Variants in LDB3 observed in about 807,000 individuals in gnomAD.
LDB3 encodes the protein LIM domain binding 3.
LDB3 carries 49 observed loss-of-function variants against 69.0 expected under a neutral mutation model. The observed-to-expected ratio is 0.71, with a 90% CI of 0.56 to 0.90. LDB3 has a LOEUF of 0.90. Ranked by LOEUF, LDB3 falls within the 40% of genes least tolerant of loss-of-function variation. The pLI is 0.00. For synonymous variants in LDB3, 387 were observed against 396.2 expected (o/e 0.98, Z 0.28); for missense variants, 928 against 974.1 (o/e 0.95, Z 0.63).
intron 13 of LDB3, among the ~76,000 whole-genome samples, chr10:86,727,530 CTG>C (rs1847297848): frequency 6.6e-6 from 1 of 152,218 alleles, no homozygotes; most frequent in South Asian, 2.1e-4. Flanking sequence ...GTGGGACACA[CTG>C]TATTCACTCT....
chr10:86,671,529 C>T (rs558403243), intron 2 of LDB3, among the ~76,000 whole-genome samples: 1 of 152,212 alleles, frequency 6.6e-6, no homozygotes, highest in South Asian at 2.1e-4. Context: ...CTTTATTTAT[C>T]CTGGACAGGT....
chr10:86,709,264 C>CT (rs543013927), intron 8 of LDB3, among the ~76,000 whole-genome samples: 113 of 152,244 alleles, frequency 7.4e-4, no homozygotes, highest in Non-Finnish European at 1.2e-3. Flanking sequence ...TTTAAAATCT[C>CT]TTTGACCCCA....
intron 7 of LDB3, among the ~76,000 whole-genome samples, chr10:86,694,793 T>C (rs1478621314): frequency 1.3e-5 from 2 of 152,182 alleles, no homozygotes; most frequent in South Asian, 4.1e-4. Context: ...CATCACTATC[T>C]GAGCAGAAGG....
At chr10:86,695,323 A>G (rs1346549271) in intron 7 of LDB3, among the ~76,000 whole-genome samples, 1 of 152,192 alleles carries the variant, frequency 6.6e-6, no homozygotes, top group Non-Finnish European at 1.5e-5. Context: ...GTCCACCCCC[A>G]GAGTCCCAGG....
At chr10:86,682,748 G>A (rs1276767188) in intron 5 of LDB3, among the ~76,000 whole-genome samples, 1 of 152,200 alleles carries the variant, frequency 6.6e-6, no homozygotes, top group Non-Finnish European at 1.5e-5. Flanking sequence ...CCCAACACTT[G>A]TAAAGCTCTG....
chr10:86,732,691 A>T lies in LDB3; in HGVS notation c.2095-196A>T, dbSNP rs185142828. Reference sequence around the variant, plus strand: ...GCTAATTTTTGTATTTTTAGTAGAGATGGAGTTTCGCCATGTTGGCCAGGC... The same window carrying T: ...GCTAATTTTTGTATTTTTAGTAGAGTTGGAGTTTCGCCATGTTGGCCAGGC... On this transcript the variant is annotated intron_variant, in intron 13 of 13. Transcript: ENST00000361373. 3.2e-5 allele frequency: 18 copies of T among 569,186 alleles called. No individual in the cohort carries two copies. The East Asian group carries it at 6.4e-4, about 20-fold the overall frequency. 35.3% of individuals were successfully genotyped at this position (569,186 alleles called of 1,614,324 possible).
At chr10:86,674,481 G>A (rs917903991) in intron 2 of LDB3, among the ~76,000 whole-genome samples, 3 of 152,292 alleles carry the variant, frequency 2.0e-5, no homozygotes, top group African/African-American at 4.8e-5. Flanking sequence ...GCTCCTGGGG[G>A]CAGGGAGCTG....
At chr10:86,713,200 C>A (rs115462341) in intron 9 of LDB3, among the ~76,000 whole-genome samples, 1 of 152,060 alleles carries the variant, frequency 6.6e-6, no homozygotes, top group African/African-American at 2.4e-5. Flanking sequence ...GCTCATCGGC[C>A]ACGTAGCACT....
chr10:86,706,109 T>A (rs1846430380), intron 7 of LDB3, among the ~76,000 whole-genome samples: 1 of 152,164 alleles, frequency 6.6e-6, no homozygotes, highest in Admixed American at 6.5e-5. Flanking sequence ...TTTTTTGCTG[T>A]ATCATTCCTT....
chr10:86,687,438 C>T (rs1429992170), intron 5 of LDB3, among the ~76,000 whole-genome samples: 1 of 152,232 alleles, frequency 6.6e-6, no homozygotes, highest in Non-Finnish European at 1.5e-5. Context: ...ACGTGGGTAT[C>T]CTCTCTTCAG....
At chr10:86,682,872 C>A (rs2132378575) in intron 5 of LDB3, among the ~76,000 whole-genome samples, 1 of 152,320 alleles carries the variant, frequency 6.6e-6, no homozygotes, top group East Asian at 1.9e-4. Flanking sequence ...ATGCCCTTGC[C>A]TTTGCCCTTG....
Position 86,716,750 on chromosome 10 carries a change from G to T in LDB3, c.1655G>T (p.Gly552Val), listed in dbSNP as rs760124777. Residue 552 changes from glycine (G) to valine (V), a missense_variant, in exon 10 of 14, where the codon GGT (glycine) becomes GTT (valine). Coordinates refer to ENST00000361373, the MANE Select transcript of LDB3 (RefSeq NM_007078.3). ...FPASSRTPLC[G>V]HCNNVIRGPF... ...GCCAGCAGCCGGACTCCACTCTGCGGTCACTGCAACAATGTCATCCGGTAT... is the reference window on the plus strand; with the variant it reads ...GCCAGCAGCCGGACTCCACTCTGCGTTCACTGCAACAATGTCATCCGGTAT... 3.1e-6 allele frequency: 5 copies of T among 1,611,522 alleles called. No homozygotes were observed. In the Admixed American group the frequency reaches 6.7e-5, roughly 22 times the overall value.
chr10:86,694,049 G>A (rs138790621), intron 7 of LDB3, among the ~76,000 whole-genome samples: 57 of 152,244 alleles, frequency 3.7e-4, no homozygotes, highest in African/African-American at 1.1e-3. Flanking sequence ...GCTTCCCTCC[G>A]ATATGCAAGG....
intron 13 of LDB3, among the ~76,000 whole-genome samples, chr10:86,730,197 C>G (rs561793152): frequency 3.3e-4 from 50 of 152,300 alleles, no homozygotes; most frequent in Admixed American, 9.2e-4. Flanking sequence ...CTTTTCCTCT[C>G]CAACTCTCTT....
At chr10:86,732,351 TTTAA>T in intron 13 of LDB3, 1 of 361,974 alleles carries the variant, frequency 2.8e-6, no homozygotes, top group African/African-American at 2.1e-5. Context: ...TTCCATTAAA[TTTAA>T]TTAATTTCAT....
chr10:86,703,636 A>G (rs903232698), intron 7 of LDB3, among the ~76,000 whole-genome samples: 4 of 152,256 alleles, frequency 2.6e-5, no homozygotes, highest in African/African-American at 9.6e-5. Flanking sequence ...CCCTGTCACA[A>G]TATTTCATGC....
rs113395027 is a variant in LDB3, at chr10:86,679,618, C to T, written c.245+100C>T. On this transcript the variant is annotated intron_variant, in intron 3 of 13. Coordinates refer to ENST00000361373, the MANE Select transcript of LDB3 (RefSeq NM_007078.3). ...TCCCATAGCAATTGAGTGGGCCCCG[C>T]CCTGGGCTACAAAACTGTGCAGGAA... 1.2e-4 allele frequency: 154 copies of T among 1,329,434 alleles called. 1 individual carries two copies. The African/African-American group carries it at 1.6e-3, about 13-fold the overall frequency. 82.4% of individuals were successfully genotyped at this position (1,329,434 alleles called of 1,614,324 possible). A position where few individuals can be genotyped will look rare whatever the true frequency, so the allele number is the denominator to read the frequency against.
intron 8 of LDB3, among the ~76,000 whole-genome samples, chr10:86,709,297 G>A (rs1846551574): frequency 6.6e-6 from 1 of 152,116 alleles, no homozygotes; most frequent in African/African-American, 2.4e-5. Flanking sequence ...CACACATGGG[G>A]AAAGGTGACC....
chr10:86,718,669 G>A (rs886236762), intron 11 of LDB3, 58 bp from the exon 12 acceptor site: 7 of 1,612,974 alleles, frequency 4.3e-6, no homozygotes, highest in Non-Finnish European at 5.9e-6. Context: ...AGCCTGGTGG[G>A]GTAGTCAAGC....
Sources: allele counts gnomAD v4.1 joint callset (sites outside exome capture counted in the v4.1 genomes callset), GRCh38; gene constraint gnomAD v4.1.1; transcripts MANE v1.5; gene names NCBI Gene and HGNC (gene_info 2026-07-23, HGNC 2026-07-21).